The following TNFSF8 variants were observed in gnomAD, a reference collection of about 807,000 sequenced individuals.
The protein encoded by TNFSF8 is TNF superfamily member 8, also known as tumor necrosis factor ligand superfamily member 8.
A neutral mutation model predicts 22.0 loss-of-function variants in TNFSF8; 4 were observed. The ratio of observed to expected loss-of-function variants is 0.18; its 90% CI spans 0.09 to 0.42. The LOEUF (loss-of-function observed/expected upper bound fraction) is 0.42. Ranked by LOEUF, TNFSF8 falls within the 10% of genes least tolerant of loss-of-function variation. The pLI is 1.00. For missense variants in TNFSF8, 233 were observed against 281.8 expected, an observed-to-expected ratio of 0.83 and a Z score of 1.24; for synonymous variants, 106 against 112.5, an observed-to-expected ratio of 0.94 and a Z score of 0.37.
At chr9:114,927,771 T>C (rs1444401941) in intron 1 of TNFSF8, among the ~76,000 whole-genome samples, 1 of 152,204 alleles carries the variant, frequency 6.6e-6, no homozygotes, top group East Asian at 1.9e-4. Context: ...AGAGTGCTAA[T>C]TGACCATTAA....
chr9:114,900,836 G>T (rs1827708076), downstream of TNFSF8, among the ~76,000 whole-genome samples: 1 of 152,174 alleles, frequency 6.6e-6, no homozygotes, highest in Non-Finnish European at 1.5e-5. Flanking sequence ...GCAAAAATCA[G>T]CTGGGTGTGG....
At chr9:114,900,799 T>C (rs1249613299), downstream of TNFSF8, among the ~76,000 whole-genome samples, 1 of 152,166 alleles carries the variant, frequency 6.6e-6, no homozygotes, top group Non-Finnish European at 1.5e-5. Context: ...CTGGCCAACA[T>C]GGTGAAATCC....
intron 2 of TNFSF8, among the ~76,000 whole-genome samples, chr9:114,907,546 C>T (rs2131342495): frequency 6.6e-6 from 1 of 152,316 alleles, no homozygotes; most frequent in South Asian, 2.1e-4. Context: ...TTTCTGACTC[C>T]TTTCGCCTGC....
downstream of TNFSF8, among the ~76,000 whole-genome samples, chr9:114,897,083 T>G (rs1827662919): frequency 6.6e-6 from 1 of 152,086 alleles, no homozygotes; most frequent in Non-Finnish European, 1.5e-5. Flanking sequence ...TGATTTTTAG[T>G]AGAGACGGGG....
At chr9:114,910,253 C>T (rs963505748) in intron 2 of TNFSF8, among the ~76,000 whole-genome samples, 1 of 152,050 alleles carries the variant, frequency 6.6e-6, no homozygotes, top group Admixed American at 6.6e-5. Context: ...AGAGGTTGCT[C>T]GAGGTGGTGA....
chr9:114,929,572 G>A (rs1437840026), intron 1 of TNFSF8, among the ~76,000 whole-genome samples: 1 of 151,956 alleles, frequency 6.6e-6, no homozygotes, highest in Non-Finnish European at 1.5e-5. Context: ...AATGGGTGAG[G>A]CCTCAGAAAC....
chr9:114,923,079 G>C (rs1234449663), intron 1 of TNFSF8, among the ~76,000 whole-genome samples: 1 of 152,070 alleles, frequency 6.6e-6, no homozygotes, highest in East Asian at 1.9e-4. Flanking sequence ...AGATGGCAGT[G>C]ATATCCTGTC....
downstream of TNFSF8, among the ~76,000 whole-genome samples, chr9:114,899,334 A>G (rs1403522024): frequency 1.4e-5 from 2 of 142,866 alleles, no homozygotes; most frequent in African/African-American, 2.7e-5. Context: ...AGGTCTTCAC[A>G]GTAAGTTATT....
intron 1 of TNFSF8, among the ~76,000 whole-genome samples, chr9:114,922,829 C>A (rs554134089): frequency 6.6e-6 from 1 of 152,080 alleles, no homozygotes; most frequent in Admixed American, 6.6e-5. Context: ...TGACCAGCAT[C>A]GGGGGATTTT....
At chr9:114,904,434 A>T in intron 3 of TNFSF8, 109 bp from the exon 4 acceptor site, 1 of 1,428,090 alleles carries the variant, frequency 7.0e-7, no homozygotes, top group Non-Finnish European at 9.4e-7. Flanking sequence ...TGTTTTCTGT[A>T]ATGTTCCAAT....
intron 2 of TNFSF8, among the ~76,000 whole-genome samples, chr9:114,912,222 A>G (rs1827860805): frequency 6.6e-6 from 1 of 152,200 alleles, no homozygotes; most frequent in African/African-American, 2.4e-5. Context: ...ATTAAATGAG[A>G]TAATGCATAA....
In TNFSF8 at chr9:114,927,057, TATAAA is replaced by T. The variant is rs1828072028; in HGVS notation, c.195+3047_195+3051del. The stretch of plus-strand genomic sequence containing the variant: ...TGTTTATTTTATAATATATTTATAA[TATAAA>T]ATGTTTATTTTATAATATATTTATA... On this transcript the variant is annotated intron_variant, in intron 1 of 3. Transcript: ENST00000223795. Among the ~76,000 whole-genome samples, 8 of 141,298 alleles carry T rather than the reference TATAAA, an allele frequency of 5.7e-5. No homozygotes were observed. In the South Asian group the frequency reaches 1.8e-3, roughly 32 times the overall value. The allele number at this position is 141,298 out of a possible 152,430, so 92.7% of individuals were successfully genotyped here.
At chr9:114,917,278 G>C (rs1383732528) in intron 2 of TNFSF8, among the ~76,000 whole-genome samples, 1 of 152,190 alleles carries the variant, frequency 6.6e-6, no homozygotes, top group Non-Finnish European at 1.5e-5. Context: ...AGGTTCTAAA[G>C]GTTACAGGAC....
chr9:114,898,774 G>A (rs896420615), downstream of TNFSF8, among the ~76,000 whole-genome samples: 5 of 152,198 alleles, frequency 3.3e-5, no homozygotes, highest in Admixed American at 2.0e-4. Flanking sequence ...TAAATGGCTT[G>A]TAGAATTGTC....
intron 2 of TNFSF8, among the ~76,000 whole-genome samples, chr9:114,914,550 G>A (rs12347977): frequency 0.56 from 85,024 of 151,460 alleles, 25,519 homozygotes; most frequent in African/African-American, 0.77. Flanking sequence ...CCTTGGTTCC[G>A]TGACATTTGT....
intron 3 of TNFSF8, among the ~76,000 whole-genome samples, 189 bp from the exon 4 acceptor site, chr9:114,904,514 C>T (rs1827761318): frequency 6.6e-6 from 1 of 152,294 alleles, no homozygotes; most frequent in South Asian, 2.1e-4. Flanking sequence ...ATAAAACCAC[C>T]CCTCTTCCTT....
At chr9:114,906,996 A>G (rs768853825) in intron 2 of TNFSF8, among the ~76,000 whole-genome samples, 1 of 152,190 alleles carries the variant, frequency 6.6e-6, no homozygotes, top group Non-Finnish European at 1.5e-5. Context: ...GGCCCATTCA[A>G]TGGAGCAGCC....
chr9:114,900,765 TG>T (rs1827706696), downstream of TNFSF8, among the ~76,000 whole-genome samples: 2 of 152,190 alleles, frequency 1.3e-5, no homozygotes, highest in Non-Finnish European at 1.5e-5. Flanking sequence ...GCAGATTGCT[TG>T]AGGTCAGGAG....
rs907931302 is a variant in TNFSF8, at chr9:114,925,394, G to A, written c.195+4715C>T. On this transcript the variant is annotated intron_variant, in intron 1 of 3. Transcript: ENST00000223795. ...ATCTCCTGTATGGCCCATGTTCCAC[G>A]GGATGGGCTGGGGGCTCAGATGTTC... Among the ~76,000 whole-genome samples, 4 of 152,160 alleles carry A rather than the reference G, an allele frequency of 2.6e-5. No homozygotes were observed. The East Asian group carries it at 5.8e-4, about 22-fold the overall frequency.
Sources: allele counts gnomAD v4.1 joint callset (sites outside exome capture counted in the v4.1 genomes callset), GRCh38; gene constraint gnomAD v4.1.1; transcripts MANE v1.5; gene names NCBI Gene and HGNC (gene_info 2026-07-23, HGNC 2026-07-21).